NFIA: variants seen among roughly 807,000 people sequenced by gnomAD.
The protein encoded by NFIA is nuclear factor I A.
NFIA carries 8 observed loss-of-function variants against 62.8 expected under a neutral mutation model. The ratio of observed to expected loss-of-function variants is 0.13; its 90% CI spans 0.07 to 0.23. The LOEUF is 0.23. Among genes scored for constraint, NFIA ranks in the 10% least tolerant of loss-of-function variants. The pLI is 1.00. For synonymous variants in NFIA, 235 were observed against 238.1 expected (o/e 0.99, Z 0.12); for missense variants, 410 against 642.1 (o/e 0.64, Z 3.91).
intron 2 of NFIA, among the ~76,000 whole-genome samples, chr1:61,240,182 A>G (rs1415895235): frequency 1.3e-5 from 2 of 152,124 alleles, no homozygotes; most frequent in East Asian, 1.9e-4. Flanking sequence ...TTGAATTTCA[A>G]TAGAAATTTT....
At chr1:61,263,579 A>T (rs1656909264) in intron 2 of NFIA, among the ~76,000 whole-genome samples, 2 of 152,258 alleles carry the variant, frequency 1.3e-5, no homozygotes, top group African/African-American at 4.8e-5. Flanking sequence ...TATAAAATAG[A>T]TAAGCCATTA....
At chr1:61,118,578 G>A (rs765321197) in intron 2 of NFIA, among the ~76,000 whole-genome samples, 2 of 152,040 alleles carry the variant, frequency 1.3e-5, no homozygotes, top group Non-Finnish European at 2.9e-5. Flanking sequence ...TGCTTTAGAT[G>A]GGAATGTGAA....
At chr1:61,226,767 A>G (rs1224370250) in intron 2 of NFIA, among the ~76,000 whole-genome samples, 1 of 152,230 alleles carries the variant, frequency 6.6e-6, no homozygotes, top group Non-Finnish European at 1.5e-5. Context: ...TCAAGAGTCT[A>G]AGAAGGCTTC....
Position 61,331,074 on chromosome 1 carries a change from T to C in NFIA, c.626-1438T>C, listed in dbSNP as rs1323769655. Among the ~76,000 whole-genome samples, 8 of 152,272 alleles carry C rather than the reference T, an allele frequency of 5.3e-5. No individual in the cohort carries two copies. In the East Asian group the frequency reaches 9.6e-4, roughly 18 times the overall value. On this transcript the variant is annotated intron_variant, in intron 3 of 10. Transcript: ENST00000403491. ...CATCTTAGGTGCTTACCAAAGCCAA[T>C]TGAATACCTGGGTGTGGGTGGTTTT...
At chr1:61,373,526 A>G (rs1349757376) in intron 6 of NFIA, among the ~76,000 whole-genome samples, 1 of 152,136 alleles carries the variant, frequency 6.6e-6, no homozygotes, top group South Asian at 2.1e-4. Flanking sequence ...CTCACAGACT[A>G]TGCATCTCTT....
chr1:61,121,249 A>G (rs771772431), intron 2 of NFIA, among the ~76,000 whole-genome samples: 8 of 152,118 alleles, frequency 5.3e-5, no homozygotes, highest in Non-Finnish European at 1.2e-4. Context: ...GTAATATGCT[A>G]TGCTGTTATT....
At chr1:61,270,399 T>A (rs1395303696) in intron 2 of NFIA, among the ~76,000 whole-genome samples, 6 of 152,228 alleles carry the variant, frequency 3.9e-5, no homozygotes, top group Non-Finnish European at 1.5e-5. Flanking sequence ...GGAATATGAA[T>A]GCAAGAAAAT....
chr1:61,440,821 C>T (rs1667541803), intron 10 of NFIA, among the ~76,000 whole-genome samples: 1 of 152,142 alleles, frequency 6.6e-6, no homozygotes, highest in South Asian at 2.1e-4. Flanking sequence ...GACTCAGACA[C>T]ATGTGCCCTG....
intron 3 of NFIA, among the ~76,000 whole-genome samples, chr1:61,298,364 A>C (rs1178780897): frequency 1.3e-5 from 2 of 152,116 alleles, no homozygotes; most frequent in African/African-American, 4.8e-5. Context: ...TAAAAAAATA[A>C]ATAAAATAAG....
chr1:61,235,992 T>C (rs1259922008), intron 2 of NFIA, among the ~76,000 whole-genome samples: 3 of 152,144 alleles, frequency 2.0e-5, no homozygotes, highest in Non-Finnish European at 4.4e-5. Flanking sequence ...GGGAATGATA[T>C]GTTATTTACA....
chr1:61,397,467 A>G (rs1490539218), intron 7 of NFIA, among the ~76,000 whole-genome samples: 2 of 152,126 alleles, frequency 1.3e-5, no homozygotes, highest in African/African-American at 4.8e-5. Flanking sequence ...TCTTTCATGT[A>G]TTCTACAATC....
chr1:61,406,074 C>T (rs1665803100), intron 8 of NFIA, among the ~76,000 whole-genome samples: 2 of 151,946 alleles, frequency 1.3e-5, no homozygotes, highest in African/African-American at 4.8e-5. Flanking sequence ...ACTTTTTTAT[C>T]TCAAGTGCAT....
rs948129276 is a variant in NFIA, at chr1:61,325,551, A to T, written c.626-6961A>T. 2.0e-5 allele frequency among the ~76,000 whole-genome samples: 3 copies of T among 152,334 alleles called. 1 individual carries two copies. Among genetic ancestry groups the T allele is most frequent in the Admixed American group, 6.5e-5 (1 of 15,306 alleles). On this transcript the variant is annotated intron_variant, in intron 3 of 10. Coordinates refer to ENST00000403491, the MANE Select transcript of NFIA (RefSeq NM_001134673.4). ...ATGGAGTGTTTACACAGACCTTTCC[A>T]TGGGGACATATTATAAACATAATCT...
At chr1:61,235,815 AAAAAAAAAAAAGAAAAAG>A (rs1654977947) in intron 2 of NFIA, among the ~76,000 whole-genome samples, 1 of 138,208 alleles carries the variant, frequency 7.2e-6, no homozygotes, top group South Asian at 2.1e-4. Context: ...CCTGTCTCAA[AAAAAAAAAAAAGAAAAAG>A]AAAAAGAAAG....
intron 2 of NFIA, among the ~76,000 whole-genome samples, chr1:61,119,802 G>C (rs1292335720): frequency 6.6e-6 from 1 of 152,164 alleles, no homozygotes; most frequent in Non-Finnish European, 1.5e-5. Flanking sequence ...TGAAGAATTA[G>C]TAATCATGCA....
intron 2 of NFIA, among the ~76,000 whole-genome samples, chr1:61,165,957 C>T (rs779812041): frequency 6.6e-6 from 1 of 152,056 alleles, no homozygotes; most frequent in Non-Finnish European, 1.5e-5. Context: ...GGATAAAAGG[C>T]AAAACTGTTT....
At chr1:61,289,495 C>CT (rs1245789295) in intron 3 of NFIA, among the ~76,000 whole-genome samples, 11 of 152,182 alleles carry the variant, frequency 7.2e-5, no homozygotes, top group Non-Finnish European at 1.2e-4. Context: ...AGACTCAACT[C>CT]TAAGTCCAGA....
At chr1:61,303,653 G>C (rs2806433) in intron 3 of NFIA, among the ~76,000 whole-genome samples, 124,834 of 152,170 alleles carry the variant, frequency 0.82, 51,367 homozygotes, top group East Asian at 0.91. Flanking sequence ...GACAGTGGCT[G>C]TTTGACTTCA....
intron 2 of NFIA, among the ~76,000 whole-genome samples, chr1:61,133,352 G>T (rs995253459): frequency 5.3e-5 from 8 of 151,650 alleles, no homozygotes; most frequent in African/African-American, 1.9e-4. Flanking sequence ...TTTTTAATGA[G>T]TCTCATAAAC....
Sources: gnomAD v4.1 joint callset for allele counts (sites outside exome capture counted in the v4.1 genomes callset) on GRCh38, gnomAD v4.1.1 for gene constraint, MANE v1.5 for transcripts, NCBI Gene and HGNC (gene_info 2026-07-23, HGNC 2026-07-21) for gene names.